Variants in FEZ1 observed in about 807,000 individuals in gnomAD.
The protein encoded by FEZ1 is fasciculation and elongation protein zeta-1.
A neutral mutation model predicts 49.3 loss-of-function variants in FEZ1; 20 were observed. The ratio of observed to expected loss-of-function variants is 0.41; its 90% CI spans 0.29 to 0.59. FEZ1 has a LOEUF of 0.59. Ranked by LOEUF, FEZ1 falls within the 20% of genes least tolerant of loss-of-function variation. The pLI is 0.36. For synonymous variants in FEZ1, 170 were observed against 180.9 expected (o/e 0.94, Z 0.48); for missense variants, 413 against 476.0 (o/e 0.87, Z 1.23).
At chr11:125,467,546 T>C (rs969448608) in intron 3 of FEZ1, among the ~76,000 whole-genome samples, 1 of 152,196 alleles carries the variant, frequency 6.6e-6, no homozygotes, top group African/African-American at 2.4e-5. Flanking sequence ...AGCTATTTAG[T>C]CACCTGGAAA....
intron 3 of FEZ1, among the ~76,000 whole-genome samples, chr11:125,468,034 A>G (rs753596918): frequency 6.6e-6 from 1 of 152,250 alleles, no homozygotes; most frequent in Non-Finnish European, 1.5e-5. Context: ...TGCCTCCTAC[A>G]GACATATTAA....
At chr11:125,465,185 G>C (rs1957115767) in intron 3 of FEZ1, among the ~76,000 whole-genome samples, 1 of 152,172 alleles carries the variant, frequency 6.6e-6, no homozygotes, top group African/African-American at 2.4e-5. Flanking sequence ...AACAGCAACT[G>C]TTAGTCTATA....
chr11:125,481,139 C>G (rs537614761), intron 3 of FEZ1, among the ~76,000 whole-genome samples: 1 of 151,988 alleles, frequency 6.6e-6, no homozygotes, highest in Non-Finnish European at 1.5e-5. Flanking sequence ...CTATAGATGA[C>G]CATTCCTATC....
Position 125,464,165 on chromosome 11 carries a change from A to G in FEZ1, c.412-595T>C, listed in dbSNP as rs543687082. On this transcript the variant is annotated intron_variant, in intron 3 of 9. Transcript: ENST00000278919. ...TGAATAACCTGACCACATGAACTAA[A>G]CAACAACAAAACTACAAAAGAGAAC... Among the ~76,000 whole-genome samples the G allele has an allele frequency of 2.0e-5, 3 of 152,356 alleles. No individual in the cohort carries two copies. In the East Asian group the frequency reaches 5.8e-4, roughly 29 times the overall value.
At chr11:125,463,932 G>A in intron 3 of FEZ1, among the ~76,000 whole-genome samples, 1 of 152,212 alleles carries the variant, frequency 6.6e-6, no homozygotes, top group East Asian at 1.9e-4. Context: ...GCAGCCAACT[G>A]CAGCAAAGGT....
At chr11:125,482,138 C>T (rs943760035) in intron 2 of FEZ1, among the ~76,000 whole-genome samples, 5 of 152,066 alleles carry the variant, frequency 3.3e-5, no homozygotes, top group Non-Finnish European at 5.9e-5. Flanking sequence ...AGTTTATAAC[C>T]GTTTCAGTTT....
intron 9 of FEZ1, 45 bp from the exon 10 acceptor site, chr11:125,446,156 C>T (rs1193395897): frequency 1.2e-6 from 2 of 1,607,944 alleles, no homozygotes; most frequent in South Asian, 2.2e-5. Context: ...AACACAGTTG[C>T]AGGTGGGGAC....
intron 1 of FEZ1, among the ~76,000 whole-genome samples, chr11:125,492,177 G>A (rs1383991196): frequency 1.3e-5 from 2 of 152,058 alleles, no homozygotes; most frequent in South Asian, 2.1e-4. Flanking sequence ...TCCATTTACA[G>A]TACATCTCAC....
At chr11:125,476,281 A>G (rs1422772011) in intron 3 of FEZ1, among the ~76,000 whole-genome samples, 1 of 152,226 alleles carries the variant, frequency 6.6e-6, no homozygotes, top group East Asian at 1.9e-4. Context: ...TTACCTTTCA[A>G]TTACGATATG....
In FEZ1 at chr11:125,484,370, C is replaced by T. The variant is rs1349984374; in HGVS notation, c.312-2737G>A. ...AAAAGTGGGATTTGAACTTGGGCAG[C>T]ACGGCTACAGAGCCCATATTCCTAA... On this transcript the variant is annotated intron_variant, in intron 2 of 9. Coordinates refer to ENST00000278919, the MANE Select transcript of FEZ1 (RefSeq NM_005103.5). Among the ~76,000 whole-genome samples the T allele has an allele frequency of 2.0e-5, 3 of 152,214 alleles. No homozygotes were observed. In the East Asian group the frequency reaches 5.8e-4, roughly 29 times the overall value.
intron 2 of FEZ1, chr11:125,488,902 A>C (rs947969502): frequency 7.1e-6 from 7 of 985,330 alleles, no homozygotes; most frequent in Non-Finnish European, 8.4e-6. Context: ...AGGAATCTGC[A>C]TACTCAAAGG....
chr11:125,456,720 G>A (rs1026936309), intron 5 of FEZ1, among the ~76,000 whole-genome samples: 3 of 152,180 alleles, frequency 2.0e-5, no homozygotes, highest in African/African-American at 7.2e-5. Context: ...TCAAAGGAAA[G>A]AAAAGGGAAG....
At chr11:125,447,919 A>G (rs1038663155) in intron 9 of FEZ1, among the ~76,000 whole-genome samples, 2 of 152,200 alleles carry the variant, frequency 1.3e-5, no homozygotes, top group African/African-American at 4.8e-5. Context: ...TTAGAAATGC[A>G]TACCGAAATA....
At chr11:125,486,066 G>T (rs1214165384) in intron 2 of FEZ1, among the ~76,000 whole-genome samples, 1 of 152,178 alleles carries the variant, frequency 6.6e-6, no homozygotes, top group Non-Finnish European at 1.5e-5. Flanking sequence ...TCTAAAAAGA[G>T]AATTAAATTT....
chr11:125,476,004 A>G (rs1467875859), intron 3 of FEZ1, among the ~76,000 whole-genome samples: 1 of 152,234 alleles, frequency 6.6e-6, no homozygotes, highest in Non-Finnish European at 1.5e-5. Flanking sequence ...AAAAACATGG[A>G]TGAATACCTA....
At chr11:125,471,186 C>A (rs1304897649) in intron 3 of FEZ1, among the ~76,000 whole-genome samples, 1 of 152,002 alleles carries the variant, frequency 6.6e-6, no homozygotes, top group African/African-American at 2.4e-5. Flanking sequence ...AACAGAGGAA[C>A]AACAAAACAG....
At chr11:125,482,898 A>G (rs1591599510) in intron 2 of FEZ1, among the ~76,000 whole-genome samples, 1 of 147,002 alleles carries the variant, frequency 6.8e-6, no homozygotes, top group East Asian at 2.1e-4. Context: ...CATGGGAAGA[A>G]CCTTAGGAAG....
Position 125,444,422 on chromosome 11 carries a change from C to T in FEZ1, c.*1673G>A, listed in dbSNP as rs559737796. On this transcript the variant is annotated 3_prime_UTR_variant, in exon 10 of 10. Coordinates refer to ENST00000278919, the MANE Select transcript of FEZ1 (RefSeq NM_005103.5). ...CCAACATGTAGAAACCTGGTCTCTA[C>T]TAAAAATATAAAATTAGCTGGGTGT... Among the ~76,000 whole-genome samples the T allele has an allele frequency of 2.3e-4, 35 of 152,124 alleles. No individual in the cohort carries two copies. The highest frequency in any genetic ancestry group is 5.0e-4 in the Non-Finnish European group (34 of 68,012).
At chr11:125,470,521 G>T (rs1394810067) in intron 3 of FEZ1, among the ~76,000 whole-genome samples, 1 of 152,182 alleles carries the variant, frequency 6.6e-6, no homozygotes, top group Admixed American at 6.5e-5. Context: ...CCATGACAGA[G>T]TAACTGGTAT....
Sources: allele counts gnomAD v4.1 joint callset (sites outside exome capture counted in the v4.1 genomes callset), GRCh38; gene constraint gnomAD v4.1.1; transcripts MANE v1.5; gene names NCBI Gene and HGNC (gene_info 2026-07-23, HGNC 2026-07-21).